Variants in FAM135B observed in about 807,000 individuals in gnomAD.
FAM135B encodes protein FAM135B.
FAM135B carries 43 observed loss-of-function variants against 127.7 expected under a neutral mutation model. That is an observed-to-expected ratio of 0.34 (90% CI 0.26 to 0.43). FAM135B has a LOEUF of 0.43. Among genes scored for constraint, FAM135B ranks in the 20% least tolerant of loss-of-function variants. The pLI is 1.00. For synonymous variants in FAM135B, 670 were observed against 665.1 expected, an observed-to-expected ratio of 1.01 and a Z score of -0.11; for missense variants, 1,558 against 1,725.6, an observed-to-expected ratio of 0.90 and a Z score of 1.72.
intron 1 of FAM135B, chr8:138,437,742 G>T (rs1835531317): frequency 6.6e-6 from 1 of 152,144 alleles, no homozygotes; most frequent in African/African-American, 2.4e-5. Context: ...TCTTACAGCA[G>T]CATAAAGTGA....
rs2130966314 is a variant in FAM135B at position 138,177,403 on chromosome 8, C to T, written c.1047G>A (p.Glu349=). Residue 349 remains glutamate (E), a synonymous_variant, in exon 11 of 20, where the codon GAG becomes GAA. Transcript: ENST00000395297. ...TTTGGTGCTCCATGTAAAAGAAGGC[C>T]TCAGAAAACCTTCGGACCTGCAGAA... ...HHTLRVRRFS[E]AFFYMEHQKL... The T allele has an allele frequency of 6.2e-7, 1 of 1,613,242 alleles. No individual in the cohort carries two copies. The highest frequency in any genetic ancestry group is 1.3e-5 in the African/African-American group (1 of 75,006).
At chr8:138,182,290 C>T (rs1220485353) in intron 9 of FAM135B, among the ~76,000 whole-genome samples, 1 of 152,218 alleles carries the variant, frequency 6.6e-6, no homozygotes, top group Non-Finnish European at 1.5e-5. Flanking sequence ...TCCACAGATG[C>T]CCGAGCCTGT....
At chr8:138,139,653 C>A (rs774623388) in intron 17 of FAM135B, among the ~76,000 whole-genome samples, 1 of 152,132 alleles carries the variant, frequency 6.6e-6, no homozygotes, top group Non-Finnish European at 1.5e-5. Context: ...GTAATCCCAG[C>A]TACTTGGGAG....
chr8:138,151,416 A>G lies in FAM135B; in HGVS notation c.3059T>C (p.Phe1020Ser), dbSNP rs1818131538. The change falls in exon 13 of 20, where the codon TTT (phenylalanine) becomes TCT (serine). Residue 1020 changes from phenylalanine to serine, a missense_variant. Phe to Ser is a radical substitution (Grantham distance 155). Transcript: ENST00000395297. Reference protein sequence around the residue: ...MGSHLTSAETFTLDSLKAVEV... With the variant: ...MGSHLTSAETSTLDSLKAVEV... ...CACAGCCTTCAGGCTGTCCAGAGTA[A>G]AGGTCTCTGCAGAAGTCAGATGGGA... The G allele has an allele frequency of 6.2e-7, 1 of 1,614,068 alleles. No individual in the cohort carries two copies.
intron 2 of FAM135B, among the ~76,000 whole-genome samples, chr8:138,322,881 G>T (rs747532356): frequency 3.9e-5 from 6 of 152,130 alleles, no homozygotes; most frequent in Non-Finnish European, 7.3e-5. Flanking sequence ...GCCCTAGCAG[G>T]AAGGCCTGCA....
intron 7 of FAM135B, among the ~76,000 whole-genome samples, chr8:138,218,770 G>C (rs57742606): frequency 0.72 from 103,582 of 143,578 alleles, 36,386 homozygotes; most frequent in Middle Eastern, 0.8. Flanking sequence ...CACACACAGA[G>C]AGAGAGAGAG....
In FAM135B at chr8:138,141,221, T is replaced by C. The variant is rs369185713; in HGVS notation, c.3767A>G (p.Asn1256Ser). Residue 1256 changes from asparagine to serine, a missense_variant, in exon 17 of 20, where the codon AAC (asparagine) becomes AGC (serine). Coordinates refer to ENST00000395297, the MANE Select transcript of FAM135B (RefSeq NM_015912.4). This position sits in a 1 kb window ranked among gnomAD's most constrained non-coding sequence, Gnocchi z 4.7. ...ACCTGTACTAACCAGGGTGCTGTTG[T>C]TGTACAGGGTTCCCAGGTGAGGCCC... ...LSGPHLGTLY[N>S]NSTLVSTGLW... 3.7e-6 allele frequency: 6 copies of C among 1,614,076 alleles called. No homozygotes were observed. The highest frequency in any genetic ancestry group is 3.4e-6 in the Non-Finnish European group (4 of 1,179,998).
At chr8:138,466,179 A>G (rs1014932792) in intron 1 of FAM135B, among the ~76,000 whole-genome samples, 1 of 152,318 alleles carries the variant, frequency 6.6e-6, no homozygotes, top group Admixed American at 6.5e-5. Context: ...AGGACCTGGA[A>G]GGGGCCTGCG....
chr8:138,321,661 C>T (rs545075951), intron 2 of FAM135B, among the ~76,000 whole-genome samples: 5 of 152,012 alleles, frequency 3.3e-5, no homozygotes, highest in Non-Finnish European at 2.9e-5. Context: ...CCTCATAGTG[C>T]CATTATAAGG....
intron 7 of FAM135B, among the ~76,000 whole-genome samples, chr8:138,228,034 G>T (rs1442810217): frequency 2.6e-5 from 4 of 152,116 alleles, no homozygotes. Context: ...ACACAGAAAA[G>T]CATCCGTTTC....
At chr8:138,353,065 C>T (rs898714467) in intron 2 of FAM135B, among the ~76,000 whole-genome samples, 2 of 152,174 alleles carry the variant, frequency 1.3e-5, no homozygotes, top group Non-Finnish European at 2.9e-5. Flanking sequence ...TGTTCTGACC[C>T]ATATCCGATC....
At chr8:138,197,109 GTGTGTGTGTATATA>G (rs758588436) in intron 8 of FAM135B, among the ~76,000 whole-genome samples, 3 of 42,566 alleles carry the variant, frequency 7.0e-5, no homozygotes, top group South Asian at 1.1e-3. Flanking sequence ...GTGTGTGTGT[GTGTGTGTGTATATA>G]TATAGTTTTT....
At chr8:138,414,688 A>T (rs1377107712) in intron 1 of FAM135B, among the ~76,000 whole-genome samples, 1 of 152,132 alleles carries the variant, frequency 6.6e-6, no homozygotes, top group African/African-American at 2.4e-5. Context: ...TAAAAACTGG[A>T]TAGAGTTTGA....
intron 7 of FAM135B, among the ~76,000 whole-genome samples, chr8:138,198,235 T>TGTAA (rs1816822741): frequency 6.6e-6 from 1 of 152,238 alleles, no homozygotes; most frequent in Admixed American, 6.5e-5. Context: ...CCTGCCACCA[T>TGTAA]GTAAGACATG....
At chr8:138,248,842 A>AC (rs1821491957) in intron 6 of FAM135B, among the ~76,000 whole-genome samples, 1 of 144,962 alleles carries the variant, frequency 6.9e-6, no homozygotes, top group South Asian at 2.2e-4. Context: ...AAAAACAATA[A>AC]AAGTAAAATA....
intron 1 of FAM135B, among the ~76,000 whole-genome samples, chr8:138,390,590 C>G (rs955602594): frequency 6.6e-6 from 1 of 152,106 alleles, no homozygotes; most frequent in African/African-American, 2.4e-5. Context: ...CACTGTATCT[C>G]CAGTGCAGAG....
Position 138,137,208 on chromosome 8 carries a change from A to G in FAM135B, c.3954T>C (p.Tyr1318=), listed in dbSNP as rs1816737494. ...CAATCCTGGCTGAATGAAATGGCAC[A>G]TAACGGTCTTGGGGAGAAGCAACCA... The part of the protein sequence containing the change: ...VVLVASPQDR[Y]VPFHSARIEM... The change falls in exon 19 of 20, where the codon TAT becomes TAC. Residue 1318 remains tyrosine, a synonymous_variant. Transcript: ENST00000395297. 6.2e-7 allele frequency: 1 copy of G among 1,612,988 alleles called. No homozygotes were observed. Among genetic ancestry groups the G allele is most frequent in the Non-Finnish European group, 8.5e-7 (1 of 1,178,908 alleles).
At chr8:138,156,964 G>C (rs2130822975) in intron 12 of FAM135B, among the ~76,000 whole-genome samples, 1 of 152,312 alleles carries the variant, frequency 6.6e-6, no homozygotes, top group East Asian at 1.9e-4. Flanking sequence ...GCATCATCCT[G>C]ATACCAAAGC....
chr8:138,148,346 A>C (rs1467185971), intron 14 of FAM135B, among the ~76,000 whole-genome samples, 174 bp downstream of exon 14: 1 of 152,100 alleles, frequency 6.6e-6, no homozygotes, highest in Non-Finnish European at 1.5e-5. Context: ...TGACAGAGAG[A>C]TATTTTCTTC....
Sources: gnomAD v4.1 joint callset for allele counts (sites outside exome capture counted in the v4.1 genomes callset) on GRCh38, gnomAD v4.1.1 for gene constraint, Gnocchi (gnomAD v3.1) non-coding constraint, MANE v1.5 for transcripts, NCBI Gene and HGNC (gene_info 2026-07-23, HGNC 2026-07-21) for gene names.